LYST: variants seen among roughly 807,000 people sequenced by gnomAD.
The protein encoded by LYST is lysosomal-trafficking regulator.
A neutral mutation model predicts 413.6 loss-of-function variants in LYST; 192 were observed. That is an observed-to-expected ratio of 0.46 (90% confidence interval 0.41 to 0.52). LYST has a LOEUF of 0.52. Ranked by LOEUF, LYST falls within the 20% of genes least tolerant of loss-of-function variation. LYST has a pLI of 0.00. For synonymous variants in LYST, 1,525 were observed against 1,567.3 expected (o/e 0.97, Z 0.64); for missense variants, 3,815 against 4,499.9 (o/e 0.85, Z 4.35).
Position 235,729,662 on chromosome 1 carries a change from C to A in LYST, c.9045-5G>T, listed in dbSNP as rs1664193223. 6.3e-7 allele frequency: 1 copy of A among 1,595,148 alleles called. No individual in the cohort carries two copies. The highest frequency in any genetic ancestry group is 1.1e-5 in the South Asian group (1 of 90,668). On this transcript the variant is annotated splice_polypyrimidine_tract_variant and splice_region_variant and intron_variant, in intron 36 of 52. Transcript: ENST00000389793. ...CTGATGCATCTTCGATTCACTCTGTCAAAACATATTTAAAATTACTATGAC... is the reference window on the plus strand; with the variant it reads ...CTGATGCATCTTCGATTCACTCTGTAAAAACATATTTAAAATTACTATGAC...
Position 235,830,261 on chromosome 1 carries a change from G to A in LYST, c.157C>T (p.Leu53=), listed in dbSNP as rs758551378. The change falls in exon 3 of 53, where the codon CTA becomes TTA. Residue 53 remains leucine (L), a synonymous_variant. Transcript: ENST00000389793. Reference sequence around the variant, plus strand: ...ATAGAATTTAGCTTGGTAAGTAATAGAAATCCTCGACCATGGACAAGGTAC... The same window carrying A: ...ATAGAATTTAGCTTGGTAAGTAATAAAAATCCTCGACCATGGACAAGGTAC... ...GQYLVHGRGF[L]LLTKLNSIID... is the part of the protein sequence containing the mutation. 1.2e-6 allele frequency: 2 copies of A among 1,613,758 alleles called. No homozygotes were observed. Among genetic ancestry groups the A allele is most frequent in the African/African-American group, 2.7e-5 (2 of 74,866 alleles).
intron 3 of LYST, chr1:235,829,624 C>T (rs1675729228): frequency 6.6e-6 from 1 of 152,138 alleles, no homozygotes. Flanking sequence ...GTTTCTGGAT[C>T]TGTTTTCTCA....
intron 19 of LYST, among the ~76,000 whole-genome samples, chr1:235,771,400 A>C (rs1439218775): frequency 6.6e-6 from 1 of 152,188 alleles, no homozygotes; most frequent in Non-Finnish European, 1.5e-5. Context: ...AAAATCAAAC[A>C]ACCCCAAATT....
intron 31 of LYST, chr1:235,738,530 G>A (rs1572110032): frequency 6.2e-7 from 1 of 1,611,772 alleles, no homozygotes; most frequent in South Asian, 1.1e-5. Context: ...TGGGGGAAAG[G>A]CTGGGAGTTC....
chr1:235,752,997 C>A, intron 26 of LYST, 47 bp downstream of exon 26: 1 of 1,064,026 alleles, frequency 9.4e-7, no homozygotes, highest in Non-Finnish European at 1.4e-6. Context: ...TTTTCCTGTT[C>A]TAAAGTATTT....
chr1:235,816,435 G>A (rs1243318159), intron 3 of LYST, among the ~76,000 whole-genome samples: 4 of 132,094 alleles, frequency 3.0e-5, no homozygotes, highest in East Asian at 2.1e-4. Context: ...GAAAGACTCC[G>A]TCAAAAAAAA....
At position 235,832,014 on chromosome 1, in the gene LYST, A is replaced by G. The variant is rs146107208; in HGVS notation, c.-8+1564T>C. Among the ~76,000 whole-genome samples, 65 of 152,318 alleles carry G rather than the reference A, an allele frequency of 4.3e-4. 2 individuals carry two copies. In the East Asian group the frequency reaches 0.013, roughly 29 times the overall value. On this transcript the variant is annotated intron_variant, in intron 2 of 52. Transcript: ENST00000389793. ...ACCTTCTGGGCCATCAAGACCATTC[A>G]TGCCACAGCACTTAAGAGTACTGCA... is the stretch of plus-strand genomic sequence containing the variant.
At chr1:235,787,461 T>C in intron 13 of LYST, 88 bp from the exon 14 acceptor site, 1 of 1,069,524 alleles carries the variant, frequency 9.3e-7, no homozygotes, top group Non-Finnish European at 1.4e-6. Flanking sequence ...TAATTCTAAA[T>C]AAGTAAGATT....
chr1:235,699,566 T>C (rs953602195), intron 45 of LYST, among the ~76,000 whole-genome samples: 6 of 151,516 alleles, frequency 4.0e-5, no homozygotes, highest in Non-Finnish European at 7.3e-5. Flanking sequence ...TAGAGTAGAA[T>C]GATTTATATT....
At chr1:235,737,322 GAA>G (rs1664906273) in intron 31 of LYST, 1 of 152,038 alleles carries the variant, frequency 6.6e-6, no homozygotes, top group Non-Finnish European at 1.5e-5. Flanking sequence ...ACATTAGTAA[GAA>G]ATACAAATAA....
rs983886540 is a variant in LYST, at chr1:235,744,047, A to C, written c.8083T>G (p.Ser2695Ala). The change falls in exon 30 of 53, where the codon TCT becomes GCT. Residue 2695 changes from serine to alanine, a missense_variant. By Grantham distance (99) the Ser-to-Ala change is moderately conservative. This residue lies in a region of LYST where 771 missense variants were observed against 837.1 expected (regional missense o/e 0.92). Transcript: ENST00000389793. ...TTCTGAAATGGATTGAAAACAGAAG[A>C]CTGTTCATGATGAATATTTTCCTCA... is the stretch of plus-strand genomic sequence containing the variant. Reference protein sequence around the residue: ...ISEENIHHEQSSVFNPFQKEI... With the variant: ...ISEENIHHEQASVFNPFQKEI... 2.5e-6 allele frequency: 4 copies of C among 1,578,948 alleles called. No individual in the cohort carries two copies. In the African/African-American group the frequency reaches 5.4e-5, roughly 21 times the overall value.
chr1:235,731,113 T>G lies in LYST; in HGVS notation c.8866A>C (p.Asn2956His), dbSNP rs1279283323. Residue 2956 changes from asparagine (N) to histidine (H), a missense_variant, in exon 35 of 53, where the codon AAT becomes CAT. Around this residue, in one of 4 missense-constraint regions of LYST, gnomAD observed 866 missense variants for 1,156.0 expected, o/e 0.75. Coordinates refer to ENST00000389793, the MANE Select transcript of LYST (RefSeq NM_000081.4). ...SWQLDPTEGP[N>H]RERRRLQRCY... ...CTCTGTAAACGTCTCCTCTCTCGAT[T>G]TGGCCCTTCTGTTGGATCCAACTGC... 1 of 1,613,924 alleles carries G rather than the reference T, an allele frequency of 6.2e-7. No individual in the cohort carries two copies. Among genetic ancestry groups the G allele is most frequent in the Non-Finnish European group, 8.5e-7 (1 of 1,179,778 alleles).
chr1:235,857,784 C>CACACACAT lies in LYST; in HGVS notation c.-98+9058_-98+9059insATGTGTGT, dbSNP rs145820873. Among the ~76,000 whole-genome samples, 495 of 122,084 alleles carry CACACACAT rather than the reference C, an allele frequency of 4.1e-3. 1 individual carries two copies. Among genetic ancestry groups the CACACACAT allele is most frequent in the Middle Eastern group, 0.014 (3 of 220 alleles). 80.1% of individuals were successfully genotyped at this position (122,084 alleles called of 152,430 possible). On this transcript the variant is annotated intron_variant, in intron 1 of 52. Coordinates refer to ENST00000389793, the MANE Select transcript of LYST (RefSeq NM_000081.4). ...ACACACACACACACACACACACACACATATATATATAAAATTTCACAAGCC... is the reference window on the plus strand; with the variant it reads ...ACACACACACACACACACACACACACACACACATATATATATATAAAATTTCACAAGCC...
chr1:235,807,006 A>G (rs1029386764), intron 5 of LYST, among the ~76,000 whole-genome samples: 2 of 152,182 alleles, frequency 1.3e-5, no homozygotes, highest in African/African-American at 4.8e-5. Flanking sequence ...CTCCAGCAGT[A>G]TCTAAAAAGA....
At chr1:235,730,058 G>A (rs950102840) in intron 36 of LYST, among the ~76,000 whole-genome samples, 1 of 150,726 alleles carries the variant, frequency 6.6e-6, no homozygotes, top group Admixed American at 6.6e-5. Context: ...TACTATTATT[G>A]TATTATTTAC....
chr1:235,770,368 C>T (rs1026816361), intron 19 of LYST, 71 bp from the exon 20 acceptor site: 9 of 1,298,372 alleles, frequency 6.9e-6, no homozygotes, highest in Non-Finnish European at 1.0e-5. Flanking sequence ...TTGGAAGACA[C>T]ACAACGCGCA....
intron 1 of LYST, among the ~76,000 whole-genome samples, chr1:235,860,489 T>C (rs764106931): frequency 2.2e-4 from 33 of 152,216 alleles, no homozygotes; most frequent in Non-Finnish European, 4.3e-4. Context: ...AAATCTTCTG[T>C]GCTCTGCGTA....
At chr1:235,715,075 G>T (rs1393033385) in intron 42 of LYST, 126 bp downstream of exon 42, 2 of 891,492 alleles carry the variant, frequency 2.2e-6, no homozygotes, top group Non-Finnish European at 3.6e-6. Flanking sequence ...GGAATAAATA[G>T]AATTCTTTTT....
At chr1:235,798,884 TG>T (rs1326347173) in intron 10 of LYST, among the ~76,000 whole-genome samples, 2 of 152,098 alleles carry the variant, frequency 1.3e-5, no homozygotes, top group Non-Finnish European at 2.9e-5. Flanking sequence ...GGGTTTCTTT[TG>T]GGGGTGATGA....
Sources: gnomAD v4.1 joint callset for allele counts (sites outside exome capture counted in the v4.1 genomes callset) on GRCh38, gnomAD v4.1.1 for gene constraint, gnomAD v4.1.1 regional missense constraint, MANE v1.5 for transcripts, NCBI Gene and HGNC (gene_info 2026-07-23, HGNC 2026-07-21) for gene names.